NCAM2: variants seen among roughly 807,000 people sequenced by gnomAD.
NCAM2 encodes the protein N-CAM-2.
NCAM2 carries 30 observed loss-of-function variants against 98.1 expected under a neutral mutation model. That is an observed-to-expected ratio of 0.31 (90% CI 0.23 to 0.41). NCAM2 has a LOEUF of 0.41. NCAM2 is among the 10% of genes least tolerant of loss of function. The pLI is 1.00. For synonymous variants in NCAM2, 368 were observed against 342.4 expected, an observed-to-expected ratio of 1.07 and a Z score of -0.83; for missense variants, 867 against 1,005.8, an observed-to-expected ratio of 0.86 and a Z score of 1.87.
At position 21,237,949 on chromosome 21, in the gene NCAM2, C is replaced by CTTTTTTTTTTTTT. The variant is rs71195313; in HGVS notation, c.56-42617_56-42605dup. Among the ~76,000 whole-genome samples, 7 of 114,474 alleles carry CTTTTTTTTTTTTT rather than the reference C, an allele frequency of 6.1e-5. 1 individual carries two copies. The highest frequency in any genetic ancestry group is 1.0e-4 in the African/African-American group (3 of 28,592). The allele number at this position is 114,474 out of a possible 152,430, so 75.1% of individuals were successfully genotyped here. A position where few individuals can be genotyped will look rare whatever the true frequency, so the allele number is the denominator to read the frequency against. On this transcript the variant is annotated intron_variant, in intron 1 of 17. Transcript: ENST00000400546. ...AAATTTTGTCCAGGGCATTGTAATT[C>CTTTTTTTTTTTTT]TTTTTTTTTTTTTTTTTTTTTTTTG...
At chr21:21,433,820 G>A (rs984837981) in intron 12 of NCAM2, among the ~76,000 whole-genome samples, 3 of 146,120 alleles carry the variant, frequency 2.1e-5, no homozygotes, top group Non-Finnish European at 4.5e-5. Context: ...GAAAAAGGAG[G>A]GTGGTAGGTG....
At chr21:21,486,671 A>G (rs1339026306) in intron 15 of NCAM2, among the ~76,000 whole-genome samples, 2 of 152,172 alleles carry the variant, frequency 1.3e-5, no homozygotes, top group Non-Finnish European at 2.9e-5. Flanking sequence ...GAATGACAAA[A>G]TATTTTTTTG....
At chr21:21,108,043 CTAAAG>C (rs2066385277) in intron 1 of NCAM2, among the ~76,000 whole-genome samples, 1 of 151,882 alleles carries the variant, frequency 6.6e-6, no homozygotes. Context: ...TATATTTCCT[CTAAAG>C]TAAAAGCAGC....
At chr21:21,182,028 T>TAAA (rs746308686) in intron 1 of NCAM2, among the ~76,000 whole-genome samples, 2 of 122,428 alleles carry the variant, frequency 1.6e-5, no homozygotes, top group Non-Finnish European at 3.5e-5. Flanking sequence ...CCACCATCTC[T>TAAA]AAAAAAAAAA....
rs1990192135 is a variant in NCAM2 at position 21,540,561 on chromosome 21, A to C, written c.*2604A>C. On this transcript the variant is annotated 3_prime_UTR_variant, in exon 18 of 18. Transcript: ENST00000400546. ...AAGATGGCTTGTAGTAAATTGTAAA[A>C]TATGAGTAGAACTGAAATAACCTGT... 6.6e-6 allele frequency: 1 copy of C among 152,038 alleles called. No homozygotes were observed. Among genetic ancestry groups the C allele is most frequent in the Admixed American group, 6.6e-5 (1 of 15,214 alleles). 9.4% of individuals were successfully genotyped at this position (152,038 alleles called of 1,614,324 possible).
chr21:21,103,776 TAG>T lies in NCAM2; in HGVS notation c.55+105161_55+105162del, dbSNP rs1439824771. 4.6e-5 allele frequency among the ~76,000 whole-genome samples: 7 copies of T among 152,186 alleles called. No homozygotes were observed. The South Asian group carries it at 1.2e-3, about 27-fold the overall frequency. Reference sequence around the variant, plus strand: ...CATGCACTTGCTGTCATGAAACAAATAGAGTTTTTGTAATTAGGTGAAACTTG... The same window carrying T: ...CATGCACTTGCTGTCATGAAACAAATAGTTTTTGTAATTAGGTGAAACTTG... On this transcript the variant is annotated intron_variant, in intron 1 of 17. Coordinates refer to ENST00000400546, the MANE Select transcript of NCAM2 (RefSeq NM_004540.5).
chr21:21,173,233 C>T (rs2068178654), intron 1 of NCAM2, among the ~76,000 whole-genome samples: 3 of 152,024 alleles, frequency 2.0e-5, no homozygotes, highest in South Asian at 2.1e-4. Flanking sequence ...TGTAGTTAGT[C>T]GCTAATTCAT....
intron 12 of NCAM2, among the ~76,000 whole-genome samples, chr21:21,443,540 G>A (rs1481128919): frequency 6.6e-6 from 1 of 152,024 alleles, no homozygotes; most frequent in East Asian, 1.9e-4. Flanking sequence ...TAAGCAATGA[G>A]TAAAGGATTC....
chr21:21,438,519 A>G (rs1978731263), intron 12 of NCAM2, among the ~76,000 whole-genome samples: 1 of 152,234 alleles, frequency 6.6e-6, no homozygotes, highest in South Asian at 2.1e-4. Flanking sequence ...ACTGTAAGGA[A>G]TTGTGAACCA....
intron 9 of NCAM2, among the ~76,000 whole-genome samples, chr21:21,402,588 G>A (rs2076656091): frequency 6.6e-6 from 1 of 152,094 alleles, no homozygotes; most frequent in Admixed American, 6.5e-5. Flanking sequence ...TCTTTGCTCT[G>A]CTTTTTGCCT....
At chr21:21,452,971 T>C (rs1187381042) in intron 12 of NCAM2, among the ~76,000 whole-genome samples, 1 of 32,138 alleles carries the variant, frequency 3.1e-5, no homozygotes, top group Admixed American at 4.7e-4. Flanking sequence ...ATATTATATA[T>C]TATTATATAT....
intron 1 of NCAM2, among the ~76,000 whole-genome samples, chr21:21,220,990 G>A (rs1255661039): frequency 2.0e-5 from 3 of 152,082 alleles, no homozygotes; most frequent in Non-Finnish European, 2.9e-5. Context: ...CCAGGAGCGT[G>A]TACTCACCTC....
intron 1 of NCAM2, among the ~76,000 whole-genome samples, chr21:21,196,197 A>C (rs1225670176): frequency 2.6e-5 from 4 of 152,164 alleles, no homozygotes; most frequent in Non-Finnish European, 1.5e-5. Flanking sequence ...GAGTTTTGTC[A>C]GACTTAGCTG....
chr21:21,511,599 T>C (rs374804356), intron 16 of NCAM2, among the ~76,000 whole-genome samples: 1 of 151,958 alleles, frequency 6.6e-6, no homozygotes, highest in Non-Finnish European at 1.5e-5. Context: ...AAATTTTTGA[T>C]ATATACCAAG....
At position 21,394,111 on chromosome 21, in the gene NCAM2, C is replaced by T. The variant is rs232440; in HGVS notation, c.1196-16163C>T. ...AAAATATGCTGAGATGTATGCATAA[C>T]TTGGCTGTTTAAAATTAGAACAAAA... On this transcript the variant is annotated intron_variant, in intron 9 of 17. Transcript: ENST00000400546. Among the ~76,000 whole-genome samples, 1,032 of 152,236 alleles carry T rather than the reference C, an allele frequency of 6.8e-3. 14 individuals are homozygous for T. Among genetic ancestry groups the T allele is most frequent in the African/African-American group, 0.023 (957 of 41,560 alleles).
At chr21:21,522,470 C>T (rs1014313428) in intron 16 of NCAM2, among the ~76,000 whole-genome samples, 8 of 151,102 alleles carry the variant, frequency 5.3e-5, no homozygotes, top group South Asian at 2.1e-4. Context: ...GAGAAAACCC[C>T]GCTAGTATAG....
chr21:21,247,266 T>A (rs1381867362), intron 1 of NCAM2, among the ~76,000 whole-genome samples: 1 of 151,846 alleles, frequency 6.6e-6, no homozygotes, highest in Non-Finnish European at 1.5e-5. Context: ...TTGCAGTGAG[T>A]CGAGATCTCG....
At chr21:21,083,187 G>A (rs182365441) in intron 1 of NCAM2, among the ~76,000 whole-genome samples, 8 of 152,246 alleles carry the variant, frequency 5.3e-5, no homozygotes, top group Admixed American at 3.3e-4. Flanking sequence ...GCTTCTTAAC[G>A]TGGTACATGG....
chr21:21,105,747 A>G (rs1294655893), intron 1 of NCAM2, among the ~76,000 whole-genome samples: 1 of 152,158 alleles, frequency 6.6e-6, no homozygotes, highest in African/African-American at 2.4e-5. Flanking sequence ...CTAAATTGAT[A>G]TAGAGTCTCT....
Sources: allele counts gnomAD v4.1 joint callset (sites outside exome capture counted in the v4.1 genomes callset), GRCh38; gene constraint gnomAD v4.1.1; transcripts MANE v1.5; gene names NCBI Gene and HGNC (gene_info 2026-07-23, HGNC 2026-07-21).